Variants in CUBN observed in about 807,000 individuals in gnomAD.
CUBN encodes 460 kDa receptor.
Under a neutral mutation model 405.3 loss-of-function variants are expected in CUBN, and 282 were observed. The observed-to-expected ratio is 0.70, with a 90% CI of 0.63 to 0.77. CUBN has a LOEUF of 0.77. CUBN is among the 30% of genes least tolerant of loss of function. The probability of loss-of-function intolerance (pLI) is 0.00; values close to 1 mark genes in which losing one functional copy is unlikely to be tolerated. For missense variants in CUBN, 4,514 were observed against 4,475.2 expected (o/e 1.01, Z -0.25); for synonymous variants, 1,684 against 1,617.0 (o/e 1.04, Z -0.99).
intron 39 of CUBN, among the ~76,000 whole-genome samples, chr10:16,935,749 G>C (rs1842482397): frequency 6.6e-6 from 1 of 151,580 alleles, no homozygotes; most frequent in Non-Finnish European, 1.5e-5. Context: ...GTGTGGTGGT[G>C]GGCACCTGTA....
intron 28 of CUBN, among the ~76,000 whole-genome samples, chr10:17,010,895 T>C (rs1174785998): frequency 6.6e-6 from 1 of 152,190 alleles, no homozygotes; most frequent in African/African-American, 2.4e-5. Context: ...AATAGGGCTA[T>C]TCAGTTATAA....
intron 27 of CUBN, among the ~76,000 whole-genome samples, chr10:17,032,157 G>C (rs1300009492): frequency 1.3e-5 from 2 of 152,194 alleles, no homozygotes; most frequent in African/African-American, 4.8e-5. Context: ...GCTGGTGTAA[G>C]GGTGAGAAAC....
At chr10:16,861,283 G>A (rs1840005227) in intron 59 of CUBN, among the ~76,000 whole-genome samples, 1 of 151,620 alleles carries the variant, frequency 6.6e-6, no homozygotes, top group Admixed American at 6.6e-5. Context: ...TGCTTCAGCT[G>A]CCCGAGTAGC....
intron 56 of CUBN, among the ~76,000 whole-genome samples, chr10:16,882,503 T>C (rs1351419688): frequency 1.3e-5 from 2 of 152,250 alleles, no homozygotes; most frequent in African/African-American, 4.8e-5. Flanking sequence ...AACTTCATCA[T>C]AGTTCTAAGA....
intron 22 of CUBN, among the ~76,000 whole-genome samples, chr10:17,056,047 T>C (rs1401125883): frequency 1.3e-5 from 2 of 152,108 alleles, no homozygotes; most frequent in African/African-American, 4.8e-5. Context: ...AGTAATATAA[T>C]GTTCTATTGT....
chr10:17,109,128 G>A (rs761968962), intron 10 of CUBN, among the ~76,000 whole-genome samples: 2 of 152,160 alleles, frequency 1.3e-5, no homozygotes, highest in African/African-American at 2.4e-5. Context: ...AGAAAGTTTA[G>A]CAGTATATAT....
chr10:16,929,983 A>C (rs1842317267), intron 40 of CUBN, among the ~76,000 whole-genome samples: 1 of 152,228 alleles, frequency 6.6e-6, no homozygotes, highest in Non-Finnish European at 1.5e-5. Context: ...AAGATGACCC[A>C]AAAATCACAG....
chr10:16,947,336 G>A lies in CUBN; in HGVS notation c.5241C>T (p.Gly1747=). ...CTGGGTAGCCAGGGCTGTTGAAGAT[G>A]CCTTCAGCCATGTAGAACGTTCCAC... is the stretch of plus-strand genomic sequence containing the variant. The part of the protein sequence containing the change: ...ACGGTFYMAE[G]IFNSPGYPDI... The change falls in exon 36 of 67, where the codon GGC becomes GGT. Residue 1747 remains glycine (G), a synonymous_variant. Transcript: ENST00000377833. 6.2e-7 allele frequency: 1 copy of A among 1,614,044 alleles called. No homozygotes were observed. The highest frequency in any genetic ancestry group is 8.5e-7 in the Non-Finnish European group (1 of 1,179,922).
In CUBN at chr10:16,906,438, T is replaced by G. The variant is rs745844253; in HGVS notation, c.7706-29A>C. On this transcript the variant is annotated intron_variant, in intron 49 of 66. Coordinates refer to ENST00000377833, the MANE Select transcript of CUBN (RefSeq NM_001081.4). ...AGAAAACAGAAGGCAACAGAGAAAG[T>G]AGTAGTAAGATTCAGGCCACAACGG... 7 of 1,499,672 alleles carry G rather than the reference T, an allele frequency of 4.7e-6. No homozygotes were observed. In the South Asian group the frequency reaches 7.9e-5, roughly 17 times the overall value. The allele number at this position is 1,499,672 out of a possible 1,614,324, so 92.9% of individuals were successfully genotyped here.
chr10:16,953,332 C>T (rs997335872), intron 32 of CUBN, among the ~76,000 whole-genome samples: 1 of 152,190 alleles, frequency 6.6e-6, no homozygotes, highest in Non-Finnish European at 1.5e-5. Flanking sequence ...GTCTGTCTTG[C>T]TCCAAAGTCT....
chr10:16,948,525 C>T lies in CUBN; in HGVS notation c.5162G>A (p.Ser1721Asn). Residue 1721 changes from serine (S) to asparagine (N), a missense_variant, in exon 35 of 67, where the codon AGC becomes AAC. By Grantham distance (46) the Ser-to-Asn change is conservative. This residue lies in a region of CUBN where 1,613 missense variants were observed against 1,542.8 expected (regional missense o/e 1.05). Coordinates refer to ENST00000377833, the MANE Select transcript of CUBN (RefSeq NM_001081.4). ...GGTGTGGAAACCCCCAGCACTGATG[C>T]TAGAATCAGAGACGAATCTCAGCGT... ...ALTLRFVSDSSISAGGFHTTV... is the reference protein window; with the variant it reads ...ALTLRFVSDSNISAGGFHTTV... The T allele has an allele frequency of 6.2e-7, 1 of 1,614,064 alleles. No individual in the cohort carries two copies. Among genetic ancestry groups the T allele is most frequent in the South Asian group, 1.1e-5 (1 of 91,082 alleles).
At position 16,948,618 on chromosome 10, in the gene CUBN, A is replaced by C; in HGVS notation, c.5081-12T>G. ...GCCACAGTAACGGCCTAAATAATGA[A>C]GATAATGACAAGGAGAATGAATGAC... On this transcript the variant is annotated splice_polypyrimidine_tract_variant and intron_variant, in intron 34 of 66. Transcript: ENST00000377833. 1.2e-6 allele frequency: 2 copies of C among 1,613,422 alleles called. No individual in the cohort carries two copies. Among genetic ancestry groups the C allele is most frequent in the African/African-American group, 1.3e-5 (1 of 75,018 alleles).
intron 43 of CUBN, among the ~76,000 whole-genome samples, chr10:16,924,318 C>T (rs910098048): frequency 6.6e-6 from 1 of 152,098 alleles, no homozygotes; most frequent in African/African-American, 2.4e-5. Context: ...ATTAAAGCTC[C>T]CTCCTTGTGC....
chr10:16,913,702 A>T (rs1841797095), intron 48 of CUBN, 109 bp downstream of exon 48: 3 of 1,188,298 alleles, frequency 2.5e-6, no homozygotes, highest in Non-Finnish European at 3.8e-6. Context: ...TCTGAGTTAT[A>T]GTTGCATAGA....
At chr10:16,903,897 A>C (rs1841479140) in intron 51 of CUBN, 69 bp downstream of exon 51, 1 of 1,104,382 alleles carries the variant, frequency 9.1e-7, no homozygotes. Context: ...AATATATATG[A>C]AATCTTTATG....
chr10:17,124,578 G>T (rs1469447214), intron 4 of CUBN, among the ~76,000 whole-genome samples: 1 of 150,834 alleles, frequency 6.6e-6, no homozygotes, highest in Non-Finnish European at 1.5e-5. Flanking sequence ...ACAGGCGCCC[G>T]CCACCACGCC....
chr10:17,068,735 A>G lies in CUBN; in HGVS notation c.2661T>C (p.Asn887=), dbSNP rs762045542. The change falls in exon 20 of 67, where the codon AAT becomes AAC. Residue 887 remains asparagine, a synonymous_variant. Coordinates refer to ENST00000377833, the MANE Select transcript of CUBN (RefSeq NM_001081.4). ...GSSSILGSPE[N]KKYCGTDIPS... ...GTATGTCTGTACCGCAATACTTTTT[A>G]TTTTCAGGAGAACCCAAAATGGAAC... is the stretch of plus-strand genomic sequence containing the variant. 45 of 1,612,586 alleles carry G rather than the reference A, an allele frequency of 2.8e-5. No individual in the cohort carries two copies. The highest frequency in any genetic ancestry group is 3.6e-5 in the Non-Finnish European group (43 of 1,178,934).
chr10:17,112,999 C>T, intron 8 of CUBN, among the ~76,000 whole-genome samples: 1 of 152,312 alleles, frequency 6.6e-6, no homozygotes, highest in East Asian at 1.9e-4. Flanking sequence ...TGTGTGGTGG[C>T]TCACGCCTGT....
At chr10:17,031,594 G>T (rs1834790040) in intron 27 of CUBN, among the ~76,000 whole-genome samples, 1 of 152,190 alleles carries the variant, frequency 6.6e-6, no homozygotes, top group Non-Finnish European at 1.5e-5. Flanking sequence ...GTGCCTAGAA[G>T]ACATTCTCTT....
Sources: allele counts gnomAD v4.1 joint callset (sites outside exome capture counted in the v4.1 genomes callset), GRCh38; gene constraint gnomAD v4.1.1; regional missense constraint gnomAD v4.1.1; transcripts MANE v1.5; gene names NCBI Gene and HGNC (gene_info 2026-07-23, HGNC 2026-07-21).